THSD4: variants seen among roughly 807,000 people sequenced by gnomAD.
THSD4 encodes thrombospondin type 1 domain containing 4.
Under a neutral mutation model 119.0 loss-of-function variants are expected in THSD4, and 69 were observed. That is an observed-to-expected ratio of 0.58 (90% CI 0.48 to 0.71). The LOEUF is 0.71. Among genes scored for constraint, THSD4 ranks in the 30% least tolerant of loss-of-function variants. THSD4 has a pLI of 0.00. For synonymous variants in THSD4, 524 were observed against 540.4 expected, an observed-to-expected ratio of 0.97 and a Z score of 0.42; for missense variants, 1,393 against 1,391.1, an observed-to-expected ratio of 1.00 and a Z score of -0.02.
At chr15:71,670,255 G>A (rs149435312) in intron 8 of THSD4, among the ~76,000 whole-genome samples, 4,431 of 150,236 alleles carry the variant, frequency 0.029, 224 homozygotes, top group African/African-American at 0.1. Flanking sequence ...GACAGGCCCC[G>A]GTGTGTGATG....
chr15:71,672,819 T>C (rs901180989), intron 8 of THSD4, among the ~76,000 whole-genome samples: 17 of 152,250 alleles, frequency 1.1e-4, no homozygotes, highest in Non-Finnish European at 1.3e-4. Flanking sequence ...GAACCAGCCT[T>C]GGATCCCAGG....
chr15:71,328,951 A>C (rs1437282345), intron 6 of THSD4, among the ~76,000 whole-genome samples: 1 of 152,152 alleles, frequency 6.6e-6, no homozygotes, highest in African/African-American at 2.4e-5. Context: ...GGATAAATCT[A>C]AGTTTCTCTC....
At chr15:71,616,604 A>G (rs910890179) in intron 7 of THSD4, among the ~76,000 whole-genome samples, 1 of 152,260 alleles carries the variant, frequency 6.6e-6, no homozygotes, top group African/African-American at 2.4e-5. Flanking sequence ...CTCACAATGC[A>G]GAACTGCGAC....
intron 6 of THSD4, among the ~76,000 whole-genome samples, chr15:71,264,344 A>G (rs913817761): frequency 6.6e-6 from 1 of 152,136 alleles, no homozygotes; most frequent in Non-Finnish European, 1.5e-5. Context: ...GGCGGTTTCT[A>G]TTTCACTGGG....
intron 7 of THSD4, among the ~76,000 whole-genome samples, chr15:71,630,417 A>G (rs138603953): frequency 6.6e-6 from 1 of 152,290 alleles, no homozygotes; most frequent in East Asian, 1.9e-4. Context: ...CAGCCAAAAC[A>G]TTTGTTTATA....
intron 7 of THSD4, among the ~76,000 whole-genome samples, chr15:71,421,947 A>G (rs1358175823): frequency 2.0e-5 from 3 of 152,164 alleles, no homozygotes; most frequent in Non-Finnish European, 4.4e-5. Flanking sequence ...CAGTTCTGCT[A>G]TTAAGAGACT....
At position 71,384,206 on chromosome 15, in the gene THSD4, C is replaced by T. The variant is rs538352520; in HGVS notation, c.1016-27481C>T. On this transcript the variant is annotated intron_variant, in intron 6 of 17. Coordinates refer to ENST00000261862, the MANE Select transcript of THSD4 (RefSeq NM_024817.3). ...CATCCTGACTAACAAGGTGAAACCC[C>T]GTCTCTACTAAAAATACAAAAATTA... Among the ~76,000 whole-genome samples, 114 of 152,198 alleles carry T rather than the reference C, an allele frequency of 7.5e-4. 1 individual carries two copies. The highest frequency in any genetic ancestry group is 2.6e-3 in the African/African-American group (109 of 41,526).
intron 7 of THSD4, among the ~76,000 whole-genome samples, chr15:71,467,409 C>A (rs989860874): frequency 4.6e-5 from 7 of 152,088 alleles, no homozygotes; most frequent in African/African-American, 1.7e-4. Flanking sequence ...TATTTTTATG[C>A]CAGGTTTGAT....
chr15:71,536,784 GT>G (rs1383555064), intron 7 of THSD4, among the ~76,000 whole-genome samples: 5 of 152,094 alleles, frequency 3.3e-5, no homozygotes, highest in African/African-American at 9.7e-5. Flanking sequence ...TCTTTGATGT[GT>G]TTTGAGTTAA....
At chr15:71,206,530 A>G in intron 3 of THSD4, among the ~76,000 whole-genome samples, 1 of 152,198 alleles carries the variant, frequency 6.6e-6, no homozygotes, top group Non-Finnish European at 1.5e-5. Flanking sequence ...TACTTTTTCC[A>G]GTCTCTCTTA....
intron 7 of THSD4, among the ~76,000 whole-genome samples, chr15:71,591,460 T>C (rs2049803244): frequency 2.0e-5 from 3 of 152,236 alleles, no homozygotes; most frequent in Admixed American, 2.0e-4. Context: ...GCAAGAGCAT[T>C]GCTATACCGA....
intron 3 of THSD4, among the ~76,000 whole-genome samples, chr15:71,200,961 C>G (rs2043798844): frequency 1.3e-5 from 2 of 152,164 alleles, no homozygotes; most frequent in Non-Finnish European, 2.9e-5. Flanking sequence ...GTGATGGTGG[C>G]TGTGCTCACT....
At chr15:71,774,643 A>AG (rs1256108168) in intron 17 of THSD4, among the ~76,000 whole-genome samples, 6 of 152,058 alleles carry the variant, frequency 3.9e-5, no homozygotes, top group Non-Finnish European at 8.8e-5. Context: ...TGCAAAGAAT[A>AG]GGGCTCATCG....
chr15:71,688,846 G>C (rs1463557199), intron 8 of THSD4, among the ~76,000 whole-genome samples: 1 of 151,924 alleles, frequency 6.6e-6, no homozygotes, highest in Non-Finnish European at 1.5e-5. Context: ...CCCCCTGCCA[G>C]TGTTTTTTTC....
At chr15:71,588,636 G>A (rs931930608) in intron 7 of THSD4, among the ~76,000 whole-genome samples, 10 of 151,952 alleles carry the variant, frequency 6.6e-5, no homozygotes, top group Non-Finnish European at 1.0e-4. Flanking sequence ...GTTTCACCAC[G>A]TTACCCAGGC....
At chr15:71,363,384 T>A (rs2045918928) in intron 6 of THSD4, among the ~76,000 whole-genome samples, 1 of 152,222 alleles carries the variant, frequency 6.6e-6, no homozygotes, top group Non-Finnish European at 1.5e-5. Context: ...CTTTCTCACC[T>A]TCTCAACTTT....
At chr15:71,406,007 G>A (rs1272828219) in intron 6 of THSD4, among the ~76,000 whole-genome samples, 3 of 151,950 alleles carry the variant, frequency 2.0e-5, no homozygotes, top group Admixed American at 6.6e-5. Flanking sequence ...TGCTGGTCTC[G>A]AACTCCTGGC....
chr15:71,754,426 G>C (rs191932292), intron 14 of THSD4, among the ~76,000 whole-genome samples: 16 of 151,048 alleles, frequency 1.1e-4, no homozygotes, highest in African/African-American at 3.9e-4. Context: ...TAAATGTCTT[G>C]AGTTTTAAAG....
chr15:71,708,145 G>C (rs902243620), intron 8 of THSD4, among the ~76,000 whole-genome samples: 19 of 152,218 alleles, frequency 1.2e-4, no homozygotes, highest in Non-Finnish European at 2.2e-4. Flanking sequence ...GACAAAAACA[G>C]ATCCCAGACC....
Sources: gnomAD v4.1 joint callset for allele counts (sites outside exome capture counted in the v4.1 genomes callset) on GRCh38, gnomAD v4.1.1 for gene constraint, MANE v1.5 for transcripts, NCBI Gene and HGNC (gene_info 2026-07-23, HGNC 2026-07-21) for gene names.